LOC400499: variants seen among roughly 807,000 people sequenced by gnomAD.
At chr16:11,448,835 T>C in the LOC400499 span, 1 of 1,194,546 alleles carries the variant, frequency 8.4e-7, no homozygotes. Flanking sequence ...AAAGCCCTTT[T>C]CCATCCGAAG....
the LOC400499 span, among the ~76,000 whole-genome samples, chr16:11,520,542 C>G: frequency 6.6e-6 from 1 of 152,108 alleles, no homozygotes; most frequent in Admixed American, 6.5e-5. Context: ...CATGCACTAC[C>G]AGTAATCTCA....
the LOC400499 span, chr16:11,500,848 C>T: frequency 2.5e-6 from 1 of 399,018 alleles, no homozygotes; most frequent in Non-Finnish European, 4.4e-6. Context: ...GGGAGGAAGG[C>T]CAGTGATGAG....
At chr16:11,406,092 C>A in the LOC400499 span, among the ~76,000 whole-genome samples, 10 of 150,714 alleles carry the variant, frequency 6.6e-5, no homozygotes, top group South Asian at 2.1e-3. Flanking sequence ...ATGGTGGGGA[C>A]TGGGCTTCCA....
chr16:11,509,905 G>C, the LOC400499 span, among the ~76,000 whole-genome samples: 1 of 146,292 alleles, frequency 6.8e-6, no homozygotes, highest in Non-Finnish European at 1.5e-5. Flanking sequence ...TAAGTACACA[G>C]AATTTGTCTG....
chr16:11,416,480 C>T, the LOC400499 span, among the ~76,000 whole-genome samples: 2 of 152,178 alleles, frequency 1.3e-5, no homozygotes, highest in Non-Finnish European at 2.9e-5. Flanking sequence ...ATTCCTAACC[C>T]TATCTCATAG....
At chr16:11,463,013 C>T in the LOC400499 span, among the ~76,000 whole-genome samples, 5 of 152,184 alleles carry the variant, frequency 3.3e-5, no homozygotes, top group East Asian at 3.9e-4. Context: ...CAACCAGACA[C>T]GTCGAATGAT....
chr16:11,481,093 C>T, the LOC400499 span, among the ~76,000 whole-genome samples: 1 of 152,174 alleles, frequency 6.6e-6, no homozygotes, highest in Admixed American at 6.5e-5. Context: ...AGGAAGAAGC[C>T]AGACACAAAG....
chr16:11,474,258 G>T, the LOC400499 span, among the ~76,000 whole-genome samples: 16 of 152,312 alleles, frequency 1.1e-4, no homozygotes, highest in African/African-American at 3.8e-4. Context: ...TGCAAATGAA[G>T]GGGGTGTGCT....
the LOC400499 span, among the ~76,000 whole-genome samples, chr16:11,478,878 G>T: frequency 6.6e-6 from 1 of 152,142 alleles, no homozygotes; most frequent in Non-Finnish European, 1.5e-5. Flanking sequence ...AGTGAATGGG[G>T]CTCAGGAGAT....
chr16:11,374,111 A>AT, the LOC400499 span, among the ~76,000 whole-genome samples: 1 of 152,156 alleles, frequency 6.6e-6, no homozygotes, highest in Non-Finnish European at 1.5e-5. Context: ...AATTTTAATA[A>AT]TTTCTAGTTC....
chr16:11,461,016 C>T, the LOC400499 span: 30 of 1,536,014 alleles, frequency 2.0e-5, 1 homozygote, highest in Admixed American at 2.0e-5. Flanking sequence ...GGCCCCGTTG[C>T]TGCAGCAGGC....
At chr16:11,384,317 C>G in the LOC400499 span, 16 of 1,231,158 alleles carry the variant, frequency 1.3e-5, no homozygotes, top group Admixed American at 3.8e-4. Flanking sequence ...AGAAGGCCAG[C>G]GGATATGCCT....
the LOC400499 span, among the ~76,000 whole-genome samples, chr16:11,524,158 A>T: frequency 8.7e-5 from 1 of 11,494 alleles, no homozygotes; most frequent in African/African-American, 4.3e-4. Flanking sequence ...CCGTCCATCC[A>T]CCCCCCAACC....
At chr16:11,450,724 G>T in the LOC400499 span, 2 of 1,536,142 alleles carry the variant, frequency 1.3e-6, no homozygotes, top group South Asian at 1.2e-5. Flanking sequence ...CTTGCCCAGC[G>T]TTAGCTCCAG....
chr16:11,500,663 C>G, the LOC400499 span: 2 of 396,420 alleles, frequency 5.0e-6, no homozygotes, highest in Non-Finnish European at 8.9e-6. Flanking sequence ...CACAGAAGCC[C>G]AGGAGGATGG....
At chr16:11,478,184 T>C in the LOC400499 span, among the ~76,000 whole-genome samples, 2 of 149,564 alleles carry the variant, frequency 1.3e-5, no homozygotes, top group African/African-American at 2.5e-5. Context: ...CCTGCCACCA[T>C]GCCTGGCTAA....
At chr16:11,456,785 G>A in the LOC400499 span, 10 of 1,481,092 alleles carry the variant, frequency 6.8e-6, no homozygotes, top group South Asian at 1.1e-4. Flanking sequence ...CAGGAAGGAG[G>A]CATAGCTTGA....
chr16:11,454,462 A>G, the LOC400499 span, among the ~76,000 whole-genome samples: 1,006 of 152,388 alleles, frequency 6.6e-3, 10 homozygotes, highest in Middle Eastern at 0.044. Context: ...TGTCTCTATT[A>G]GAAAAGAAAA....
the LOC400499 span, among the ~76,000 whole-genome samples, chr16:11,374,334 A>T: frequency 1.3e-5 from 2 of 152,354 alleles, no homozygotes; most frequent in South Asian, 4.1e-4. Flanking sequence ...AGTGTAAAAA[A>T]TTTTAAATGT....
Sources: allele counts gnomAD v4.1 joint callset (sites outside exome capture counted in the v4.1 genomes callset), GRCh38; gene constraint gnomAD v4.1.1; transcripts MANE v1.5.